Variants in EPHA6 observed in about 807,000 individuals in gnomAD.
EPHA6 encodes the protein EPH receptor A6.
EPHA6 carries 50 observed loss-of-function variants against 112.0 expected under a neutral mutation model. The observed-to-expected ratio is 0.45, with a 90% CI of 0.36 to 0.56. EPHA6 has a LOEUF of 0.56. EPHA6 is among the 20% of genes least tolerant of loss of function. EPHA6 has a pLI of 0.00. For missense variants in EPHA6, 1,280 were observed against 1,417.4 expected (o/e 0.90, Z 1.56); for synonymous variants, 529 against 490.7 (o/e 1.08, Z -1.03).
chr3:97,370,066 TC>T (rs1229064216), intron 5 of EPHA6, among the ~76,000 whole-genome samples: 9 of 152,272 alleles, frequency 5.9e-5, no homozygotes, highest in African/African-American at 2.2e-4. Flanking sequence ...CTCCACCCTC[TC>T]TTCACGTTTT....
chr3:97,108,403 A>G (rs2047628977), intron 3 of EPHA6, among the ~76,000 whole-genome samples: 1 of 152,174 alleles, frequency 6.6e-6, no homozygotes, highest in African/African-American at 2.4e-5. Context: ...TTGGACAGAA[A>G]ACAACACAGA....
chr3:97,067,395 A>G (rs916810844), intron 3 of EPHA6, among the ~76,000 whole-genome samples: 2 of 152,094 alleles, frequency 1.3e-5, no homozygotes, highest in African/African-American at 4.8e-5. Context: ...TCTATATTTT[A>G]GTTTTGAAAT....
At chr3:97,044,124 C>T (rs1576380259) in intron 3 of EPHA6, among the ~76,000 whole-genome samples, 2 of 152,334 alleles carry the variant, frequency 1.3e-5, no homozygotes, top group East Asian at 3.9e-4. Context: ...AATACCTGCT[C>T]AGGCTTTCTA....
At chr3:97,385,671 G>A in intron 5 of EPHA6, among the ~76,000 whole-genome samples, 1 of 152,106 alleles carries the variant, frequency 6.6e-6, no homozygotes, top group Non-Finnish European at 1.5e-5. Flanking sequence ...AGTTTACAAA[G>A]GAAAGAAGTT....
intron 3 of EPHA6, among the ~76,000 whole-genome samples, chr3:97,043,929 G>A (rs1412676233): frequency 6.6e-6 from 1 of 152,118 alleles, no homozygotes; most frequent in Middle Eastern, 3.2e-3. Context: ...CACACTGGTT[G>A]GAAATCCCAA....
intron 1 of EPHA6, among the ~76,000 whole-genome samples, chr3:96,830,025 C>G (rs2033954566): frequency 1.3e-5 from 2 of 150,986 alleles, no homozygotes; most frequent in South Asian, 4.2e-4. Flanking sequence ...AACTTAAGTT[C>G]TTTTTCACTA....
intron 10 of EPHA6, among the ~76,000 whole-genome samples, chr3:97,529,400 C>A (rs1475631438): frequency 6.6e-6 from 1 of 151,810 alleles, no homozygotes; most frequent in Admixed American, 6.6e-5. Context: ...GTAAGACCTA[C>A]CTTTGTAATG....
chr3:97,108,276 A>C (rs1286443328), intron 3 of EPHA6, among the ~76,000 whole-genome samples: 1 of 152,194 alleles, frequency 6.6e-6, no homozygotes, highest in Non-Finnish European at 1.5e-5. Flanking sequence ...TCAATAGTTA[A>C]AACCAACTGG....
chr3:97,584,455 C>T (rs1264743312), intron 11 of EPHA6, among the ~76,000 whole-genome samples: 2 of 152,182 alleles, frequency 1.3e-5, no homozygotes, highest in African/African-American at 2.4e-5. Context: ...AGAGCTTTCA[C>T]CTTTCAGTAC....
chr3:96,927,986 C>T (rs956680798), intron 2 of EPHA6, among the ~76,000 whole-genome samples: 16 of 152,092 alleles, frequency 1.1e-4, no homozygotes, highest in Non-Finnish European at 1.9e-4. Flanking sequence ...GGCAAGAAAG[C>T]GAGTGTGTGA....
chr3:97,157,186 A>G (rs2076308173), intron 3 of EPHA6, among the ~76,000 whole-genome samples: 1 of 152,184 alleles, frequency 6.6e-6, no homozygotes, highest in East Asian at 1.9e-4. Flanking sequence ...TTTTGTCACA[A>G]ACATGTCACC....
intron 14 of EPHA6, among the ~76,000 whole-genome samples, chr3:97,714,914 G>C (rs1301335809): frequency 6.6e-6 from 1 of 152,184 alleles, no homozygotes; most frequent in African/African-American, 2.4e-5. Flanking sequence ...CATATGATAA[G>C]CTTTCCAAAT....
At chr3:97,266,863 A>T (rs1576804460) in intron 5 of EPHA6, among the ~76,000 whole-genome samples, 2 of 152,264 alleles carry the variant, frequency 1.3e-5, no homozygotes, top group East Asian at 3.9e-4. Flanking sequence ...TAAGCATTTT[A>T]CTAGAAGTTT....
chr3:97,116,649 G>C (rs887903319), intron 3 of EPHA6, among the ~76,000 whole-genome samples: 1 of 151,564 alleles, frequency 6.6e-6, no homozygotes, highest in East Asian at 1.9e-4. Context: ...GTTCATTCAT[G>C]TTGTGCAGAT....
intron 5 of EPHA6, among the ~76,000 whole-genome samples, chr3:97,395,428 A>C (rs1403807033): frequency 1.3e-5 from 2 of 151,824 alleles, no homozygotes; most frequent in Non-Finnish European, 2.9e-5. Context: ...AATGTCAATT[A>C]ACATGATAAA....
intron 6 of EPHA6, among the ~76,000 whole-genome samples, chr3:97,442,781 C>T (rs1409173374): frequency 2.0e-5 from 3 of 152,050 alleles, no homozygotes; most frequent in East Asian, 3.9e-4. Flanking sequence ...TATGTGTACC[C>T]AGGTAGAACT....
At chr3:96,971,977 A>T (rs528953288) in intron 2 of EPHA6, among the ~76,000 whole-genome samples, 21 of 152,180 alleles carry the variant, frequency 1.4e-4, no homozygotes, top group Non-Finnish European at 2.8e-4. Flanking sequence ...CTGGCTAGAA[A>T]TTATAGATTT....
intron 1 of EPHA6, among the ~76,000 whole-genome samples, chr3:96,861,458 G>A (rs1162328132): frequency 2.0e-5 from 3 of 151,702 alleles, no homozygotes; most frequent in East Asian, 1.9e-4. Context: ...GTAACTAAGG[G>A]AATCATCTAT....
intron 3 of EPHA6, among the ~76,000 whole-genome samples, chr3:97,124,469 A>AAAAGAAAGAAAG (rs35225817): frequency 0.047 from 6,993 of 149,810 alleles, 266 homozygotes; most frequent in Admixed American, 0.096. Flanking sequence ...TCTGTTTAAA[A>AAAAGAAAGAAAG]AAAGAAAGAA....
Sources: allele counts gnomAD v4.1 joint callset (sites outside exome capture counted in the v4.1 genomes callset), GRCh38; gene constraint gnomAD v4.1.1; transcripts MANE v1.5; gene names NCBI Gene and HGNC (gene_info 2026-07-23, HGNC 2026-07-21).